Variants in LIMCH1 observed in about 807,000 individuals in gnomAD.
LIMCH1 encodes LIM and calponin homology domains 1.
LIMCH1 carries 113 observed loss-of-function variants against 176.5 expected under a neutral mutation model. That is an observed-to-expected ratio of 0.64 (90% CI 0.55 to 0.75). The LOEUF is 0.75. LIMCH1 is among the 30% of genes least tolerant of loss of function. The probability of loss-of-function intolerance (pLI) is 0.00; values close to 1 mark genes in which losing one functional copy is unlikely to be tolerated. For synonymous variants in LIMCH1, 619 were observed against 645.9 expected (o/e 0.96, Z 0.63); for missense variants, 1,674 against 1,814.9 (o/e 0.92, Z 1.41).
intron 1 of LIMCH1, among the ~76,000 whole-genome samples, chr4:41,559,066 C>G (rs888390193): frequency 2.0e-5 from 3 of 152,074 alleles, no homozygotes; most frequent in Non-Finnish European, 2.9e-5. Flanking sequence ...TCTGGTTTGG[C>G]AGATTAATTT....
At chr4:41,390,868 T>C (rs1165084838) in intron 1 of LIMCH1, among the ~76,000 whole-genome samples, 2 of 152,204 alleles carry the variant, frequency 1.3e-5, no homozygotes, top group African/African-American at 4.8e-5. Flanking sequence ...GAACTTATGC[T>C]TACATTTTAT....
chr4:41,523,808 A>G (rs1020366488), intron 2 of LIMCH1, among the ~76,000 whole-genome samples: 1 of 152,176 alleles, frequency 6.6e-6, no homozygotes, highest in African/African-American at 2.4e-5. Flanking sequence ...TTTTGCTCAA[A>G]TATCTTTTGT....
chr4:41,488,737 CAT>C lies in LIMCH1; in HGVS notation c.97-5794_97-5793del, dbSNP rs1293715743. 3.3e-5 allele frequency among the ~76,000 whole-genome samples: 5 copies of C among 152,156 alleles called. No homozygotes were observed. The South Asian group carries it at 6.2e-4, about 19-fold the overall frequency. The stretch of plus-strand genomic sequence containing the variant: ...AAAATTTAAAAAGTAAAGTAAAAGT[CAT>C]ATATGATTCCATTGTGAAGAAATAC... On this transcript the variant is annotated intron_variant, in intron 1 of 26. Coordinates refer to the LIMCH1 transcript ENST00000313860.
intron 1 of LIMCH1, among the ~76,000 whole-genome samples, chr4:41,416,833 A>T (rs1362141502): frequency 1.3e-5 from 2 of 152,150 alleles, no homozygotes; most frequent in Non-Finnish European, 2.9e-5. Context: ...AGGCCAAGGG[A>T]GCTGACAGGC....
intron 1 of LIMCH1, among the ~76,000 whole-genome samples, chr4:41,419,634 CCTCCTTCCTTT>C (rs1382742713): frequency 0.029 from 2,735 of 92,912 alleles, 146 homozygotes; most frequent in African/African-American, 0.036. Flanking sequence ...TTCCTTCCTT[CCTCCTTCCTTT>C]CTTCCTCCTT....
At chr4:41,627,354 T>C (rs1414003764) in intron 8 of LIMCH1, among the ~76,000 whole-genome samples, 1 of 152,006 alleles carries the variant, frequency 6.6e-6, no homozygotes, top group Non-Finnish European at 1.5e-5. Flanking sequence ...TTAGCAAAAA[T>C]AGACATGTAC....
At chr4:41,592,301 G>A (rs1296234282) in intron 1 of LIMCH1, among the ~76,000 whole-genome samples, 1 of 152,184 alleles carries the variant, frequency 6.6e-6, no homozygotes, top group African/African-American at 2.4e-5. Flanking sequence ...GAACCACCAT[G>A]CAAGGATTTA....
rs2094836403 is a variant in LIMCH1 at position 41,666,667 on chromosome 4, G to A, written c.3397+1G>A. 2 of 1,592,538 alleles carry A rather than the reference G, an allele frequency of 1.3e-6. No homozygotes were observed. Among genetic ancestry groups the A allele is most frequent in the Non-Finnish European group, 1.7e-6 (2 of 1,160,620 alleles). On this transcript the variant is annotated splice_donor_variant, in intron 21 of 31. Coordinates refer to ENST00000503057, the MANE Select transcript of LIMCH1 (RefSeq NM_001330672.2). LOFTEE classifies it high-confidence loss of function. ...CATTTGCCAAATCTCAATTCTCAAG[G>A]TAAAGAGGACATGTTTTATTTTAGG...
intron 1 of LIMCH1, among the ~76,000 whole-genome samples, chr4:41,555,584 G>C (rs1351777198): frequency 6.6e-6 from 1 of 152,112 alleles, no homozygotes; most frequent in Non-Finnish European, 1.5e-5. Flanking sequence ...CCAGGTACTG[G>C]AAATTGATCA....
At chr4:41,526,944 G>A (rs1032375517) in intron 3 of LIMCH1, among the ~76,000 whole-genome samples, 14 of 152,158 alleles carry the variant, frequency 9.2e-5, no homozygotes, top group African/African-American at 3.4e-4. Flanking sequence ...TCACAGTTCT[G>A]CAAACACTCT....
At chr4:41,557,938 A>T (rs1462887148) in intron 1 of LIMCH1, among the ~76,000 whole-genome samples, 1 of 151,908 alleles carries the variant, frequency 6.6e-6, no homozygotes, top group Non-Finnish European at 1.5e-5. Flanking sequence ...CTCATGCTCA[A>T]CTCAATCTCC....
chr4:41,537,368 G>C (rs1019914777), upstream of LIMCH1, among the ~76,000 whole-genome samples: 1 of 152,118 alleles, frequency 6.6e-6, no homozygotes, highest in African/African-American at 2.4e-5. Flanking sequence ...TGTCCTTTAG[G>C]GAGGTTTAAT....
At chr4:41,609,542 G>A (rs1291054216) in intron 4 of LIMCH1, 5 of 422,940 alleles carry the variant, frequency 1.2e-5, no homozygotes, top group Non-Finnish European at 2.4e-5. Flanking sequence ...CACAAAGGGA[G>A]CAGAAAATGT....
chr4:41,573,083 A>C (rs1332321737), intron 1 of LIMCH1, among the ~76,000 whole-genome samples: 2 of 152,210 alleles, frequency 1.3e-5, no homozygotes, highest in African/African-American at 2.4e-5. Context: ...TCTCCTACCA[A>C]AACGATGGCT....
intron 1 of LIMCH1, among the ~76,000 whole-genome samples, chr4:41,392,828 C>T (rs1050574525): frequency 6.6e-6 from 1 of 151,984 alleles, no homozygotes; most frequent in Admixed American, 6.6e-5. Context: ...GTCAGGAATT[C>T]GAGACCAGCC....
At chr4:41,654,203 A>C (rs2094397597) in intron 18 of LIMCH1, among the ~76,000 whole-genome samples, 1 of 152,218 alleles carries the variant, frequency 6.6e-6, no homozygotes. Context: ...ATATATGTTA[A>C]ATAGCAACTG....
chr4:41,416,007 G>A (rs1457871848), intron 1 of LIMCH1, among the ~76,000 whole-genome samples: 1 of 151,848 alleles, frequency 6.6e-6, no homozygotes, highest in African/African-American at 2.4e-5. Flanking sequence ...CTTGCCCACC[G>A]ATTAAACTGT....
rs1326732613 is a variant in LIMCH1 at position 41,682,441 on chromosome 4, C to A, written c.3826C>A (p.Arg1276=). The A allele has an allele frequency of 1.1e-5, 17 of 1,612,594 alleles. No homozygotes were observed. The highest frequency in any genetic ancestry group is 1.4e-5 in the Non-Finnish European group (17 of 1,179,114). ...ATTGCTGAAGACTAGGGAAAGTGAT[C>A]GACTGGAGGAGAAGGGCAGGTATGA... is the stretch of plus-strand genomic sequence containing the variant. ...DLLLKTRESD[R]LEEKGSLTEG... The change falls in exon 26 of 32, where the codon CGA becomes AGA. Residue 1276 remains arginine, a synonymous_variant. Transcript: ENST00000503057.
intron 18 of LIMCH1, among the ~76,000 whole-genome samples, chr4:41,658,140 C>T (rs1052033321): frequency 1.3e-5 from 2 of 152,102 alleles, no homozygotes; most frequent in Admixed American, 6.5e-5. Context: ...CTCGGTAAGT[C>T]GCTTAACCTC....
Sources: gnomAD v4.1 joint callset for allele counts (sites outside exome capture counted in the v4.1 genomes callset) on GRCh38, gnomAD v4.1.1 for gene constraint, MANE v1.5 for transcripts, NCBI Gene and HGNC (gene_info 2026-07-23, HGNC 2026-07-21) for gene names.